The following ZNF385D variants were observed in gnomAD, a reference collection of about 807,000 sequenced individuals.
ZNF385D encodes zinc finger protein 659.
In ZNF385D, 15 loss-of-function variants were observed where a neutral mutation model predicts 35.8. The observed-to-expected ratio is 0.42, with a 90% confidence interval of 0.28 to 0.64. The LOEUF is 0.64. ZNF385D is among the 30% of genes least tolerant of loss of function. The pLI is 0.23. For missense variants in ZNF385D, 474 were observed against 494.6 expected, an observed-to-expected ratio of 0.96 and a Z score of 0.39; for synonymous variants, 212 against 186.8, an observed-to-expected ratio of 1.13 and a Z score of -1.10.
chr3:21,453,207 C>G (rs531533384), intron 4 of ZNF385D, among the ~76,000 whole-genome samples: 4 of 151,066 alleles, frequency 2.6e-5, no homozygotes, highest in Admixed American at 2.6e-4. Context: ...TGCCTCACAC[C>G]GCATGTCATT....
intron 3 of ZNF385D, among the ~76,000 whole-genome samples, chr3:21,758,256 G>A (rs1385911780): frequency 6.6e-6 from 1 of 152,196 alleles, no homozygotes; most frequent in Non-Finnish European, 1.5e-5. Context: ...AATATTAGAT[G>A]TTAATTCCTT....
chr3:22,097,321 T>C (rs1383079), intron 3 of ZNF385D, among the ~76,000 whole-genome samples: 36,188 of 151,924 alleles, frequency 0.24, 4,715 homozygotes, highest in Non-Finnish European at 0.28. Flanking sequence ...ACCTAAAATA[T>C]ATGGTGTTGG....
intron 3 of ZNF385D, among the ~76,000 whole-genome samples, chr3:22,098,505 T>G (rs1045281734): frequency 1.3e-5 from 2 of 152,180 alleles, no homozygotes; most frequent in Non-Finnish European, 2.9e-5. Context: ...ATTTAATTAT[T>G]GGGTGCTTAA....
chr3:21,994,398 A>AT (rs1312122718), intron 3 of ZNF385D, among the ~76,000 whole-genome samples: 1 of 152,200 alleles, frequency 6.6e-6, no homozygotes, highest in East Asian at 1.9e-4. Context: ...TTTAAAAATC[A>AT]TATCTATCTT....
At chr3:21,725,493 CA>C (rs2068720432) in intron 1 of ZNF385D, among the ~76,000 whole-genome samples, 1 of 151,940 alleles carries the variant, frequency 6.6e-6, no homozygotes, top group South Asian at 2.1e-4. Flanking sequence ...AAAAATGATA[CA>C]GGGGATATCA....
chr3:21,537,966 A>C (rs1040624444), intron 3 of ZNF385D, among the ~76,000 whole-genome samples: 4 of 152,154 alleles, frequency 2.6e-5, no homozygotes, highest in African/African-American at 9.6e-5. Context: ...GCTTGGACCA[A>C]AGGGGTGGCA....
chr3:21,857,518 A>G (rs1696792801), intron 3 of ZNF385D, among the ~76,000 whole-genome samples: 1 of 151,988 alleles, frequency 6.6e-6, no homozygotes, highest in Non-Finnish European at 1.5e-5. Context: ...TGTGGTACCC[A>G]GAAATTAGCA....
chr3:21,608,644 A>G (rs960966678), intron 2 of ZNF385D, among the ~76,000 whole-genome samples: 1 of 152,206 alleles, frequency 6.6e-6, no homozygotes, highest in African/African-American at 2.4e-5. Context: ...AAAGAGTTCA[A>G]AAAATGTCTA....
intron 3 of ZNF385D, among the ~76,000 whole-genome samples, chr3:22,043,794 G>C (rs1444045332): frequency 2.0e-5 from 3 of 152,046 alleles, no homozygotes; most frequent in Non-Finnish European, 2.9e-5. Flanking sequence ...TCCAACATTA[G>C]GCTATAAAAA....
At chr3:21,964,025 A>G (rs1218069140) in intron 3 of ZNF385D, among the ~76,000 whole-genome samples, 1 of 152,150 alleles carries the variant, frequency 6.6e-6, no homozygotes, top group Admixed American at 6.5e-5. Flanking sequence ...TATTCATTTA[A>G]TTGCGGGCAA....
At chr3:22,082,683 G>C (rs1223700006) in intron 3 of ZNF385D, among the ~76,000 whole-genome samples, 3 of 152,208 alleles carry the variant, frequency 2.0e-5, no homozygotes, top group Admixed American at 6.5e-5. Context: ...CTGTCTGACA[G>C]CTCTGAAGAG....
chr3:22,119,044 T>C (rs114646033), intron 3 of ZNF385D, among the ~76,000 whole-genome samples: 1,639 of 152,262 alleles, frequency 0.011, 25 homozygotes, highest in African/African-American at 0.03. Context: ...AAATTGAATA[T>C]TAATTATCTT....
intron 2 of ZNF385D, among the ~76,000 whole-genome samples, chr3:22,171,110 T>C (rs1199740870): frequency 7.9e-6 from 1 of 126,182 alleles, no homozygotes; most frequent in Non-Finnish European, 1.7e-5. Flanking sequence ...TGACCATTTA[T>C]TATGAAAAAA....
intron 3 of ZNF385D, among the ~76,000 whole-genome samples, chr3:21,912,738 T>C (rs1010667772): frequency 6.6e-6 from 1 of 152,078 alleles, no homozygotes; most frequent in Non-Finnish European, 1.5e-5. Context: ...TATGCTAAAA[T>C]ACACTGACAA....
intron 3 of ZNF385D, among the ~76,000 whole-genome samples, chr3:21,825,550 T>A (rs1031934845): frequency 2.0e-5 from 3 of 152,152 alleles, no homozygotes; most frequent in African/African-American, 7.2e-5. Flanking sequence ...GTGAATGACA[T>A]AGGCCCTAAA....
chr3:21,968,482 A>G (rs1465679713), intron 3 of ZNF385D, among the ~76,000 whole-genome samples: 1 of 151,860 alleles, frequency 6.6e-6, no homozygotes, highest in Non-Finnish European at 1.5e-5. Context: ...CAGGCAGAAG[A>G]GCTCTCAAGT....
intron 2 of ZNF385D, among the ~76,000 whole-genome samples, chr3:22,330,134 T>A (rs1433019238): frequency 1.3e-5 from 2 of 152,186 alleles, no homozygotes; most frequent in Non-Finnish European, 2.9e-5. Flanking sequence ...TTTCGATGAG[T>A]ACATATTTTA....
At chr3:21,726,233 C>A (rs2068760451) in intron 1 of ZNF385D, among the ~76,000 whole-genome samples, 1 of 152,054 alleles carries the variant, frequency 6.6e-6, no homozygotes, top group African/African-American at 2.4e-5. Flanking sequence ...ACCGAATGGG[C>A]AAAAACTGGA....
chr3:21,615,382 A>G (rs1261975457), intron 2 of ZNF385D, among the ~76,000 whole-genome samples: 1 of 152,188 alleles, frequency 6.6e-6, no homozygotes, highest in Non-Finnish European at 1.5e-5. Flanking sequence ...TGTAAGGCAA[A>G]TAAACCTCTT....
Sources: allele counts gnomAD v4.1 joint callset (sites outside exome capture counted in the v4.1 genomes callset), GRCh38; gene constraint gnomAD v4.1.1; transcripts MANE v1.5; gene names NCBI Gene and HGNC (gene_info 2026-07-23, HGNC 2026-07-21).